CRABP1: variants seen among roughly 807,000 people sequenced by gnomAD.
CRABP1 encodes cellular retinoic acid-binding protein 1.
In CRABP1, 9 loss-of-function variants were observed where a neutral mutation model predicts 16.4. The observed-to-expected ratio is 0.55, with a 90% CI of 0.33 to 0.96. The LOEUF (loss-of-function observed/expected upper bound fraction) is 0.96. CRABP1 is among the 40% of genes least tolerant of loss of function. CRABP1 has a pLI of 0.03. For synonymous variants in CRABP1, 72 were observed against 70.4 expected, an observed-to-expected ratio of 1.02 and a Z score of -0.11; for missense variants, 157 against 186.0, an observed-to-expected ratio of 0.84 and a Z score of 0.91.
chr15:78,340,940 A>C (rs1398746822), intron 1 of CRABP1, 103 bp from the exon 2 acceptor site: 9 of 1,226,876 alleles, frequency 7.3e-6, no homozygotes, highest in Non-Finnish European at 1.0e-5. Flanking sequence ...GAGTGGATCA[A>C]TTTTAAGGCC....
At chr15:78,340,602 AG>A in intron 1 of CRABP1, 104 bp downstream of exon 1, 1 of 1,346,344 alleles carries the variant, frequency 7.4e-7, no homozygotes, top group East Asian at 2.6e-5. Flanking sequence ...TGGGGAGCCC[AG>A]GCAGGAGGGA....
intron 3 of CRABP1, among the ~76,000 whole-genome samples, chr15:78,346,987 G>GT (rs202225866): frequency 0.028 from 3,995 of 143,112 alleles, 126 homozygotes; most frequent in African/African-American, 0.083. Context: ...CTTGGTTTTT[G>GT]TTTTTGTTTT....
In CRABP1 at chr15:78,343,541, C is replaced by A; in HGVS notation, c.292C>A (p.Gln98Lys). The A allele has an allele frequency of 6.2e-7, 1 of 1,614,220 alleles. No individual in the cohort carries two copies. The highest frequency in any genetic ancestry group is 1.1e-5 in the South Asian group (1 of 91,088). The change falls in exon 3 of 4, where the codon CAA becomes AAA. Residue 98 changes from glutamine (Q) to lysine (K), a missense_variant. Transcript: ENST00000299529. ...WENENKIHCT[Q>K]TLLEGDGPKT... ...GAATGAGAACAAGATCCACTGCACG[C>A]AAACTCTTCTTGAAGGGGACGGCCC...
chr15:78,347,948 G>T lies in CRABP1; in HGVS notation c.385G>T (p.Val129Phe), dbSNP rs1222323389. 6.2e-7 allele frequency: 1 copy of T among 1,614,026 alleles called. No homozygotes were observed. The highest frequency in any genetic ancestry group is 8.5e-7 in the Non-Finnish European group (1 of 1,180,034). The change falls in exon 4 of 4, where the codon GTC (valine) becomes TTC (phenylalanine). Residue 129 changes from valine (V) to phenylalanine (F), a missense_variant. Physicochemically the swap from Val to Phe is conservative, Grantham distance 50 (BLOSUM62 -1). Coordinates refer to ENST00000299529, the MANE Select transcript of CRABP1 (RefSeq NM_004378.3). ...LILTFGADDV[V>F]CTRIYVRE The stretch of plus-strand genomic sequence containing the variant: ...GCAGACGTTTGGCGCCGATGACGTG[G>T]TCTGCACCAGAATTTATGTCCGAGA...
At chr15:78,343,299 G>C (rs1482056001) in intron 2 of CRABP1, among the ~76,000 whole-genome samples, 200 bp from the exon 3 acceptor site, 3 of 152,022 alleles carry the variant, frequency 2.0e-5, no homozygotes, top group Admixed American at 2.0e-4. Flanking sequence ...GTTATACAAG[G>C]TGTATTTATA....
rs75240989 is a variant in CRABP1, at chr15:78,341,747, G to A, written c.249+526G>A. On this transcript the variant is annotated intron_variant, in intron 2 of 3. Transcript: ENST00000299529. This position sits in a 1 kb window ranked among gnomAD's most constrained non-coding sequence, Gnocchi z 5.3. The stretch of plus-strand genomic sequence containing the variant: ...CGGCCTGGTTCCTTAAAGGAACGGC[G>A]GAGTCTTTCCAAAAGCAAGGCAGGT... 4,005 of 177,176 alleles carry A rather than the reference G, an allele frequency of 0.023. 70 individuals are homozygous for A. The highest frequency in any genetic ancestry group is 0.041 in the Middle Eastern group (15 of 366). The allele number at this position is 177,176 out of a possible 1,614,324, so 11.0% of individuals were successfully genotyped here.
chr15:78,341,018 C>T lies in CRABP1; in HGVS notation c.71-25C>T, dbSNP rs1269133209. ...AGACTGGCGGCGAGGCCCCGTGACC[C>T]AAGCCTGTGGTGCACCCTGCGCAGG... On this transcript the variant is annotated intron_variant, in intron 1 of 3. Transcript: ENST00000299529. The surrounding 1 kb of genome is among the most constrained non-coding windows in gnomAD (Gnocchi z 5.3). 6.3e-7 allele frequency: 1 copy of T among 1,591,530 alleles called. No homozygotes were observed. The highest frequency in any genetic ancestry group is 2.2e-5 in the East Asian group (1 of 44,604).
At position 78,343,548 on chromosome 15, in the gene CRABP1, T is replaced by G; in HGVS notation, c.299T>G (p.Leu100Arg). Residue 100 changes from leucine (L) to arginine (R), a missense_variant, in exon 3 of 4, where the codon CTT (leucine) becomes CGT (arginine). By Grantham distance (102) the Leu-to-Arg change is moderately radical. Coordinates refer to ENST00000299529, the MANE Select transcript of CRABP1 (RefSeq NM_004378.3). ...AACAAGATCCACTGCACGCAAACTC[T>G]TCTTGAAGGGGACGGCCCCAAAACC... ...NENKIHCTQT[L>R]LEGDGPKTYW... 6.2e-7 allele frequency: 1 copy of G among 1,614,186 alleles called. No homozygotes were observed.
chr15:78,347,851 C>T, intron 3 of CRABP1, 76 bp from the exon 4 acceptor site: 3 of 1,377,398 alleles, frequency 2.2e-6, no homozygotes, highest in Non-Finnish European at 3.1e-6. Flanking sequence ...AATAAGTGGC[C>T]TTATTAGTGA....
chr15:78,346,662 G>A (rs372313529), intron 3 of CRABP1, among the ~76,000 whole-genome samples: 69 of 152,264 alleles, frequency 4.5e-4, no homozygotes, highest in African/African-American at 1.6e-3. Flanking sequence ...GAGTAAGGCC[G>A]TCTCAAAAAG....
At chr15:78,347,177 C>CT (rs2050271114) in intron 3 of CRABP1, among the ~76,000 whole-genome samples, 1 of 152,158 alleles carries the variant, frequency 6.6e-6, no homozygotes, top group Non-Finnish European at 1.5e-5. Context: ...GATTCGTGTC[C>CT]TCCCTACAGC....
intron 3 of CRABP1, among the ~76,000 whole-genome samples, chr15:78,347,171 C>T (rs980625738): frequency 3.3e-5 from 5 of 152,024 alleles, no homozygotes; most frequent in Non-Finnish European, 5.9e-5. Context: ...TGCAATGATT[C>T]GTGTCCTCCC....
intron 3 of CRABP1, 92 bp from the exon 4 acceptor site, chr15:78,347,835 C>G (rs1294575623): frequency 1.7e-6 from 2 of 1,165,698 alleles, no homozygotes. Flanking sequence ...GAGTTTTTAA[C>G]AGGGCAATAA....
chr15:78,343,163 T>C (rs976723876), intron 2 of CRABP1, among the ~76,000 whole-genome samples: 2 of 152,148 alleles, frequency 1.3e-5, no homozygotes, highest in Non-Finnish European at 2.9e-5. Context: ...TTTGAAGGGT[T>C]AGCTAATTTT....
intron 1 of CRABP1, 120 bp downstream of exon 1, chr15:78,340,618 C>T (rs1487997246): frequency 8.7e-7 from 1 of 1,148,894 alleles, no homozygotes; most frequent in Non-Finnish European, 1.2e-6. Context: ...GAGGGAGTCC[C>T]CGGGGCAATA....
chr15:78,343,447 C>T (rs187988865), intron 2 of CRABP1, 52 bp from the exon 3 acceptor site: 1 of 1,388,690 alleles, frequency 7.2e-7, no homozygotes, highest in Non-Finnish European at 1.0e-6. Context: ...GTTGTCCCTG[C>T]TCCCGCTGCT....
At chr15:78,347,751 C>T (rs1249594959) in intron 3 of CRABP1, 176 bp from the exon 4 acceptor site, 8 of 620,258 alleles carry the variant, frequency 1.3e-5, no homozygotes, top group East Asian at 8.6e-5. Flanking sequence ...TTACCAATAG[C>T]GCTTAAGGGG....
chr15:78,347,800 C>G (rs1470971625), intron 3 of CRABP1, 127 bp from the exon 4 acceptor site: 1 of 862,882 alleles, frequency 1.2e-6, no homozygotes, highest in Non-Finnish European at 1.9e-6. Flanking sequence ...AGCACACACA[C>G]AGGAAATTGA....
intron 2 of CRABP1, among the ~76,000 whole-genome samples, 178 bp from the exon 3 acceptor site, chr15:78,343,321 C>T (rs369102602): frequency 6.6e-6 from 1 of 152,206 alleles, no homozygotes; most frequent in African/African-American, 2.4e-5. Context: ...CCCATAAAAT[C>T]TGTGACCAGC....
Sources: allele counts gnomAD v4.1 joint callset (sites outside exome capture counted in the v4.1 genomes callset), GRCh38; gene constraint gnomAD v4.1.1; non-coding constraint Gnocchi (gnomAD v3.1); transcripts MANE v1.5; gene names NCBI Gene and HGNC (gene_info 2026-07-23, HGNC 2026-07-21).